COBLL1: variants seen among roughly 807,000 people sequenced by gnomAD.
COBLL1 encodes the protein cordon-bleu protein-like 1.
Under a neutral mutation model 94.8 loss-of-function variants are expected in COBLL1, and 50 were observed. The observed-to-expected ratio is 0.53, with a 90% CI of 0.42 to 0.67. COBLL1 has a LOEUF of 0.67. Ranked by LOEUF, COBLL1 falls within the 30% of genes least tolerant of loss-of-function variation. COBLL1 has a pLI of 0.00. For missense variants in COBLL1, 1,362 were observed against 1,348.7 expected, an observed-to-expected ratio of 1.01 and a Z score of -0.15; for synonymous variants, 448 against 473.8, an observed-to-expected ratio of 0.95 and a Z score of 0.71.
chr2:164,743,344 T>G (rs1427764803), intron 3 of COBLL1: 1 of 177,172 alleles, frequency 5.6e-6, no homozygotes, highest in Non-Finnish European at 1.2e-5. Context: ...TGTGGGTCAC[T>G]GGGCTTGTTT....
At chr2:164,687,492 G>T (rs142839135) in intron 13 of COBLL1, 1 of 1,458,234 alleles carries the variant, frequency 6.9e-7, no homozygotes, top group African/African-American at 1.4e-5. Context: ...CATGCTCCTT[G>T]TTCTGCAGCT....
chr2:164,726,316 A>C (rs894818452), intron 5 of COBLL1, among the ~76,000 whole-genome samples: 3 of 152,132 alleles, frequency 2.0e-5, no homozygotes, highest in African/African-American at 7.2e-5. Context: ...TTTCACTAAC[A>C]CATAATATAT....
chr2:164,668,525 A>G (rs1319467492), intron 1 of COBLL1, among the ~76,000 whole-genome samples: 1 of 152,196 alleles, frequency 6.6e-6, no homozygotes. Context: ...TACAATTACA[A>G]AAGTGTGACA....
intron 2 of COBLL1, among the ~76,000 whole-genome samples, chr2:164,745,041 C>T (rs1686797154): frequency 6.6e-6 from 1 of 152,176 alleles, no homozygotes; most frequent in African/African-American, 2.4e-5. Flanking sequence ...ATGAATACTA[C>T]TCCTTTCCAC....
chr2:164,763,729 T>G (rs962676334), intron 2 of COBLL1, among the ~76,000 whole-genome samples: 8 of 152,176 alleles, frequency 5.3e-5, no homozygotes, highest in African/African-American at 1.9e-4. Context: ...GTATACTATC[T>G]TTCGATAAAA....
chr2:164,790,466 G>T (rs1431827661), intron 2 of COBLL1, among the ~76,000 whole-genome samples: 1 of 152,090 alleles, frequency 6.6e-6, no homozygotes, highest in East Asian at 1.9e-4. Flanking sequence ...GACAGTTTTG[G>T]TTTTTATTTA....
intron 2 of COBLL1, among the ~76,000 whole-genome samples, chr2:164,806,212 A>G (rs1016067125): frequency 6.6e-6 from 1 of 152,160 alleles, no homozygotes; most frequent in African/African-American, 2.4e-5. Context: ...CATTTCTTCT[A>G]TAACAGTGAC....
intron 2 of COBLL1, among the ~76,000 whole-genome samples, chr2:164,824,671 A>G (rs1685344770): frequency 6.6e-6 from 1 of 152,206 alleles, no homozygotes; most frequent in African/African-American, 2.4e-5. Flanking sequence ...ATGTTAAATT[A>G]TAAATCAGAA....
At chr2:164,834,161 GAAC>G (rs1480750126) in intron 2 of COBLL1, among the ~76,000 whole-genome samples, 4 of 152,082 alleles carry the variant, frequency 2.6e-5, no homozygotes, top group Non-Finnish European at 5.9e-5. Flanking sequence ...TGAGTATCTT[GAAC>G]AACAACAATA....
chr2:164,775,917 A>G (rs541743967), intron 2 of COBLL1, among the ~76,000 whole-genome samples: 1 of 152,294 alleles, frequency 6.6e-6, no homozygotes, highest in African/African-American at 2.4e-5. Context: ...TGATAATGCC[A>G]AAAGTGAACT....
chr2:164,728,734 C>T (rs1303226465), intron 4 of COBLL1, among the ~76,000 whole-genome samples: 1 of 151,938 alleles, frequency 6.6e-6, no homozygotes, highest in African/African-American at 2.4e-5. Flanking sequence ...AATAAGAGAA[C>T]ATTAGCTATT....
intron 2 of COBLL1, among the ~76,000 whole-genome samples, chr2:164,798,753 C>T (rs1683604894): frequency 6.7e-6 from 1 of 150,328 alleles, no homozygotes; most frequent in Non-Finnish European, 1.5e-5. Flanking sequence ...GGGGCAGTGG[C>T]TCACGCCTGT....
chr2:164,751,563 T>C (rs1341283064), intron 2 of COBLL1, among the ~76,000 whole-genome samples: 3 of 152,094 alleles, frequency 2.0e-5, no homozygotes, highest in Non-Finnish European at 4.4e-5. Flanking sequence ...GTGCTTTTGG[T>C]CTACATTTAA....
intron 8 of COBLL1, 37 bp downstream of exon 8, chr2:164,704,915 C>A: frequency 6.6e-7 from 1 of 1,512,480 alleles, no homozygotes; most frequent in Middle Eastern, 1.8e-4. Context: ...AAACAAAACA[C>A]AATACAAATG....
intron 4 of COBLL1, among the ~76,000 whole-genome samples, chr2:164,728,569 G>C (rs990479172): frequency 6.6e-6 from 1 of 151,808 alleles, no homozygotes; most frequent in Non-Finnish European, 1.5e-5. Context: ...CCTACCCTTT[G>C]AGGAATATTT....
intron 3 of COBLL1, chr2:164,743,190 TACAG>T (rs1392668709): frequency 6.6e-6 from 1 of 152,154 alleles, no homozygotes; most frequent in African/African-American, 2.4e-5. Flanking sequence ...CCAATTAATT[TACAG>T]ACAGATTTAA....
intron 7 of COBLL1, among the ~76,000 whole-genome samples, chr2:164,712,316 G>A (rs185332714): frequency 3.8e-4 from 58 of 152,198 alleles, no homozygotes; most frequent in African/African-American, 1.3e-3. Context: ...CTTCAATAAT[G>A]TTAAATGTTT....
chr2:164,810,052 G>A (rs2105337478), intron 2 of COBLL1, among the ~76,000 whole-genome samples: 1 of 151,758 alleles, frequency 6.6e-6, no homozygotes, highest in South Asian at 2.1e-4. Flanking sequence ...AATGGCATAT[G>A]TATGAGGGAA....
intron 5 of COBLL1, chr2:164,724,740 CCTGT>C (rs940038027): frequency 2.6e-5 from 4 of 151,864 alleles, no homozygotes; most frequent in Admixed American, 6.6e-5. Flanking sequence ...ATTTAAAATA[CCTGT>C]CTAAGAAAAC....
Sources: allele counts gnomAD v4.1 joint callset (sites outside exome capture counted in the v4.1 genomes callset), GRCh38; gene constraint gnomAD v4.1.1; transcripts MANE v1.5; gene names NCBI Gene and HGNC (gene_info 2026-07-23, HGNC 2026-07-21).